Variants in USP10 observed in about 807,000 individuals in gnomAD.
USP10 encodes ubiquitin specific peptidase 10, also known as ubiquitin carboxyl-terminal hydrolase 10.
A neutral mutation model predicts 84.5 loss-of-function variants in USP10; 22 were observed. The observed-to-expected ratio is 0.26, with a 90% CI of 0.19 to 0.37. The LOEUF (loss-of-function observed/expected upper bound fraction) is 0.37, where lower values mean the gene tolerates loss of function less well. Ranked by LOEUF, USP10 falls within the 10% of genes least tolerant of loss-of-function variation. The probability of loss-of-function intolerance (pLI) is 1.00; values close to 1 mark genes in which losing one functional copy is unlikely to be tolerated. For synonymous variants in USP10, 454 were observed against 387.6 expected (o/e 1.17, Z -2.01); for missense variants, 1,019 against 998.9 (o/e 1.02, Z -0.27).
chr16:84,738,680 A>G (rs1451169131), intron 2 of USP10, among the ~76,000 whole-genome samples: 1 of 152,204 alleles, frequency 6.6e-6, no homozygotes, highest in Non-Finnish European at 1.5e-5. Context: ...AGATAAGTGC[A>G]GCTGTCAACT....
rs963246 is a variant in USP10 at position 84,754,999 on chromosome 16, A to C, written c.1193-3717A>C. On this transcript the variant is annotated intron_variant, in intron 4 of 13. Coordinates refer to ENST00000219473, the MANE Select transcript of USP10 (RefSeq NM_005153.3). ...CTAGACTTTGTCCCAGAAAAAAAAA[A>C]AAAGGAGCTGTGTTTTCAGACAGAG... Among the ~76,000 whole-genome samples the C allele has an allele frequency of 9.2e-3, 1,403 of 152,026 alleles. 15 individuals carry two copies. The highest frequency in any genetic ancestry group is 0.032 in the African/African-American group (1,309 of 41,418).
chr16:84,764,045 T>C, intron 9 of USP10, 41 bp from the exon 10 acceptor site: 1 of 1,555,824 alleles, frequency 6.4e-7, no homozygotes, highest in South Asian at 1.2e-5. Context: ...TTTGCTGTTC[T>C]TGTCGTAAAT....
intron 10 of USP10, among the ~76,000 whole-genome samples, chr16:84,765,267 G>C (rs947689558): frequency 6.6e-6 from 1 of 151,694 alleles, no homozygotes; most frequent in Non-Finnish European, 1.5e-5. Flanking sequence ...GTGTGTGTGT[G>C]TGTGCACATG....
chr16:84,773,050 G>A (rs1362191692), intron 12 of USP10, among the ~76,000 whole-genome samples: 1 of 152,134 alleles, frequency 6.6e-6, no homozygotes, highest in Admixed American at 6.5e-5. Context: ...TTTTAGTGAA[G>A]TAAGAATGAT....
intron 4 of USP10, among the ~76,000 whole-genome samples, chr16:84,756,499 A>G (rs1912560880): frequency 6.6e-6 from 1 of 152,214 alleles, no homozygotes; most frequent in South Asian, 2.1e-4. Context: ...AGGCTGAGGC[A>G]GGAAAATCAC....
At chr16:84,743,754 A>T (rs1042391246) in intron 3 of USP10, among the ~76,000 whole-genome samples, 2 of 152,258 alleles carry the variant, frequency 1.3e-5, no homozygotes, top group African/African-American at 2.4e-5. Context: ...AACTATAAAA[A>T]TACGTCTGTC....
rs551250988 is a variant in USP10 at position 84,764,125 on chromosome 16, A to G, written c.1694A>G (p.Asn565Ser). Reference sequence around the variant, plus strand: ...AACGGCCCCAAAAACCACTCGGTCAATGAAGAAGAGCAGGAAGAACAAGGT... The same window carrying G: ...AACGGCCCCAAAAACCACTCGGTCAGTGAAGAAGAGCAGGAAGAACAAGGT... ...ISNGPKNHSV[N>S]EEEQEEQGEG... Residue 565 changes from asparagine to serine, a missense_variant, in exon 10 of 14, where the codon AAT (asparagine) becomes AGT (serine). Around this residue, in one of 2 missense-constraint regions of USP10, gnomAD observed 787 missense variants for 708.8 expected, o/e 1.11. Transcript: ENST00000219473. The G allele has an allele frequency of 5.9e-5, 95 of 1,613,896 alleles. 1 individual carries two copies. In the East Asian group the frequency reaches 1.2e-3, roughly 21 times the overall value.
At chr16:84,704,126 A>G (rs115074717) in intron 1 of USP10, among the ~76,000 whole-genome samples, 176 of 152,360 alleles carry the variant, frequency 1.2e-3, no homozygotes, top group African/African-American at 3.9e-3. Flanking sequence ...ATCATCTCCA[A>G]TTGAATTAGT....
intron 2 of USP10, among the ~76,000 whole-genome samples, chr16:84,739,849 C>T (rs980511799): frequency 5.9e-5 from 9 of 152,188 alleles, no homozygotes; most frequent in African/African-American, 1.2e-4. Flanking sequence ...CTCTGCTCTC[C>T]GACCATGGAC....
intron 2 of USP10, among the ~76,000 whole-genome samples, chr16:84,739,110 G>C (rs553248431): frequency 5.4e-4 from 82 of 151,178 alleles, no homozygotes; most frequent in African/African-American, 1.8e-3. Flanking sequence ...CCAGGCTGGA[G>C]TGCAGTGGCA....
In USP10 at chr16:84,775,200, C is replaced by G. The variant is rs1466266611; in HGVS notation, c.2184C>G (p.Cys728Trp). 5.0e-6 allele frequency: 8 copies of G among 1,613,608 alleles called. No homozygotes were observed. In the Admixed American group the frequency reaches 1.3e-4, roughly 27 times the overall value. ...GGGTTAAAAATAAGAATTTTAAATGCCACCGAACCTATCGGCTCTTTGCAG... is the reference window on the plus strand; with the variant it reads ...GGGTTAAAAATAAGAATTTTAAATGGCACCGAACCTATCGGCTCTTTGCAG... The part of the protein sequence containing the change: ...SPGVKNKNFK[C>W]HRTYRLFAVV... Residue 728 changes from cysteine to tryptophan, a missense_variant, in exon 13 of 14, where the codon TGC (cysteine) becomes TGG (tryptophan). Around this residue, in one of 2 missense-constraint regions of USP10, gnomAD observed 232 missense variants for 290.1 expected, o/e 0.80. Transcript: ENST00000219473.
rs976272448 is a variant in USP10, at chr16:84,700,023, G to C, written c.-68G>C. The C allele has an allele frequency of 2.3e-6, 3 of 1,325,958 alleles. No individual in the cohort carries two copies. The highest frequency in any genetic ancestry group is 1.6e-5 in the African/African-American group (1 of 63,856). The allele number at this position is 1,325,958 out of a possible 1,614,324, so 82.1% of individuals were successfully genotyped here. A position where few individuals can be genotyped will look rare whatever the true frequency, so the allele number is the denominator to read the frequency against. ...GCGAGTGTGTATGTGCGGGCGAGAAGATGGCGGCGGCGGGGGAAGCAGCGT... is the reference window on the plus strand; with the variant it reads ...GCGAGTGTGTATGTGCGGGCGAGAACATGGCGGCGGCGGGGGAAGCAGCGT... On this transcript the variant is annotated 5_prime_UTR_variant, in exon 1 of 14. Coordinates refer to ENST00000219473, the MANE Select transcript of USP10 (RefSeq NM_005153.3).
chr16:84,742,633 T>G (rs1231328770), intron 3 of USP10, among the ~76,000 whole-genome samples: 1 of 152,184 alleles, frequency 6.6e-6, no homozygotes, highest in African/African-American at 2.4e-5. Context: ...TTGATTGGGT[T>G]GTTGAAGCCA....
chr16:84,751,315 G>A (rs1911905975), intron 4 of USP10, among the ~76,000 whole-genome samples: 1 of 152,188 alleles, frequency 6.6e-6, no homozygotes, highest in South Asian at 2.1e-4. Context: ...ATTAAGCATG[G>A]CTGTGTATCC....
At chr16:84,728,069 C>T (rs910998514) in intron 1 of USP10, among the ~76,000 whole-genome samples, 3 of 152,164 alleles carry the variant, frequency 2.0e-5, no homozygotes, top group Non-Finnish European at 4.4e-5. Context: ...GTTTCTCCTC[C>T]CCTCTTTTGA....
chr16:84,734,373 A>G (rs563569007), intron 2 of USP10, among the ~76,000 whole-genome samples: 2 of 152,368 alleles, frequency 1.3e-5, no homozygotes, highest in African/African-American at 4.8e-5. Flanking sequence ...CCCAGATTAC[A>G]AACAGCTGGG....
chr16:84,765,005 G>T (rs1913690697), intron 10 of USP10, among the ~76,000 whole-genome samples: 1 of 149,280 alleles, frequency 6.7e-6, no homozygotes, highest in Non-Finnish European at 1.5e-5. Flanking sequence ...CCTCCGGGAG[G>T]CAGAGGTTGC....
At chr16:84,764,525 G>A (rs924718429) in intron 10 of USP10, among the ~76,000 whole-genome samples, 1 of 152,154 alleles carries the variant, frequency 6.6e-6, no homozygotes, top group Non-Finnish European at 1.5e-5. Context: ...CACTGCTAGG[G>A]AGTAAGAGAA....
intron 1 of USP10, among the ~76,000 whole-genome samples, chr16:84,709,706 A>C (rs1298444811): frequency 1.3e-5 from 2 of 152,090 alleles, no homozygotes; most frequent in African/African-American, 2.4e-5. Context: ...GTGGGACTGA[A>C]TGTTGGGCAA....
Sources: gnomAD v4.1 joint callset for allele counts (sites outside exome capture counted in the v4.1 genomes callset) on GRCh38, gnomAD v4.1.1 for gene constraint, gnomAD v4.1.1 regional missense constraint, MANE v1.5 for transcripts, NCBI Gene and HGNC (gene_info 2026-07-23, HGNC 2026-07-21) for gene names.